ATP11B: variants seen among roughly 807,000 people sequenced by gnomAD.
ATP11B encodes the protein phospholipid-transporting ATPase IF.
ATP11B carries 81 observed loss-of-function variants against 157.8 expected under a neutral mutation model. The observed-to-expected ratio is 0.51, with a 90% CI of 0.43 to 0.62. The LOEUF is 0.62. Ranked by LOEUF, ATP11B falls within the 20% of genes least tolerant of loss-of-function variation. ATP11B has a pLI of 0.00. For synonymous variants in ATP11B, 451 were observed against 469.4 expected (o/e 0.96, Z 0.51); for missense variants, 1,165 against 1,402.2 (o/e 0.83, Z 2.70).
chr3:182,862,105 T>C (rs1720886972), intron 12 of ATP11B, among the ~76,000 whole-genome samples: 1 of 151,206 alleles, frequency 6.6e-6, no homozygotes, highest in Non-Finnish European at 1.5e-5. Flanking sequence ...AAACAAAAAA[T>C]ACAAATACTA....
In ATP11B at chr3:182,885,892, T is replaced by G. The variant is rs1722765733; in HGVS notation, c.2656-59T>G. On this transcript the variant is annotated intron_variant, in intron 22 of 29. Coordinates refer to ENST00000323116, the MANE Select transcript of ATP11B (RefSeq NM_014616.3). ...CTTTAACAGCCATTTTTTTTATTTT[T>G]TATTTTGTCTTTGAAACCTAAATAT... 3.3e-6 allele frequency: 4 copies of G among 1,229,340 alleles called. No individual in the cohort carries two copies. The South Asian group carries it at 6.4e-5, about 20-fold the overall frequency. The allele number at this position is 1,229,340 out of a possible 1,614,324, so 76.2% of individuals were successfully genotyped here. A position where few individuals can be genotyped will look rare whatever the true frequency, so the allele number is the denominator to read the frequency against.
chr3:182,844,997 T>A lies in ATP11B; in HGVS notation c.705-461T>A, dbSNP rs577782776. Among the ~76,000 whole-genome samples the A allele has an allele frequency of 6.6e-5, 8 of 120,412 alleles. No individual in the cohort carries two copies. The South Asian group carries it at 7.9e-4, about 12-fold the overall frequency. 79.0% of individuals were successfully genotyped at this position (120,412 alleles called of 152,430 possible). A position where few individuals can be genotyped will look rare whatever the true frequency, so the allele number is the denominator to read the frequency against. On this transcript the variant is annotated intron_variant, in intron 8 of 29. Transcript: ENST00000323116. ...CCTAGGCAGCCTTTTTTTTTTTATT[T>A]TTTTTTTTATTTTTTTTTATTTTTG...
At chr3:182,814,592 G>A (rs1324286582) in intron 1 of ATP11B, among the ~76,000 whole-genome samples, 1 of 152,086 alleles carries the variant, frequency 6.6e-6, no homozygotes, top group African/African-American at 2.4e-5. Flanking sequence ...AGGATTGCTT[G>A]AGCCCAGGAG....
At chr3:182,841,435 GTAAACATTGTA>G (rs758390461) in intron 7 of ATP11B, among the ~76,000 whole-genome samples, 2 of 152,140 alleles carry the variant, frequency 1.3e-5, no homozygotes, top group African/African-American at 2.4e-5. Context: ...AGTTGATAGA[GTAAACATTGTA>G]TACCCTTTGA....
chr3:182,857,796 C>A (rs1300394282), intron 10 of ATP11B, 82 bp from the exon 11 acceptor site: 8 of 849,120 alleles, frequency 9.4e-6, no homozygotes, highest in Non-Finnish European at 1.5e-5. Context: ...AATATCTTCT[C>A]TAATACAAGT....
In ATP11B at chr3:182,913,879, G is replaced by A; in HGVS notation, c.3337G>A (p.Gly1113Ser). The change falls in exon 29 of 30, where the codon GGT becomes AGT. Residue 1113 changes from glycine (G) to serine (S), a missense_variant. This residue lies in a region of ATP11B where 303 missense variants were observed against 296.3 expected (regional missense o/e 1.02). Transcript: ENST00000323116. ...CCCGCAGCTTACTGAAACAAATGCA[G>A]GTATCAAGTGCTTGGACTCCATGTG... ...EKAQLTETNA[G>S]IKCLDSMCCF... The A allele has an allele frequency of 6.2e-7, 1 of 1,614,128 alleles. No individual in the cohort carries two copies. The highest frequency in any genetic ancestry group is 8.5e-7 in the Non-Finnish European group (1 of 1,179,962).
chr3:182,872,816 C>G (rs1721763614), intron 18 of ATP11B, among the ~76,000 whole-genome samples: 1 of 152,204 alleles, frequency 6.6e-6, no homozygotes, highest in Non-Finnish European at 1.5e-5. Flanking sequence ...ACTTGAAGCA[C>G]CTGCTTAATT....
At chr3:182,886,277 A>G (rs1173077980) in intron 23 of ATP11B, among the ~76,000 whole-genome samples, 4 of 152,128 alleles carry the variant, frequency 2.6e-5, no homozygotes, top group African/African-American at 9.7e-5. Context: ...AGCTTATGAG[A>G]GAATTTTGAT....
intron 7 of ATP11B, among the ~76,000 whole-genome samples, chr3:182,841,295 T>C (rs1238611673): frequency 6.6e-6 from 1 of 152,232 alleles, no homozygotes; most frequent in Non-Finnish European, 1.5e-5. Context: ...ATTATGTTCA[T>C]TGCTTACCAT....
chr3:182,915,471 A>G (rs1725075852), intron 29 of ATP11B: 20 of 984,720 alleles, frequency 2.0e-5, no homozygotes, highest in Non-Finnish European at 2.2e-5. Flanking sequence ...TTGATTTATA[A>G]TACTATTTTA....
At chr3:182,820,424 C>T (rs1717256465) in intron 2 of ATP11B, 48 bp downstream of exon 2, 2 of 1,278,082 alleles carry the variant, frequency 1.6e-6, no homozygotes, top group South Asian at 1.2e-5. Flanking sequence ...TGGCTCATAC[C>T]CATCATCCCA....
chr3:182,804,474 C>G (rs1343907162), intron 1 of ATP11B, among the ~76,000 whole-genome samples: 1 of 152,074 alleles, frequency 6.6e-6, no homozygotes, highest in Non-Finnish European at 1.5e-5. Context: ...GCCTCGTGAT[C>G]CGCTCGCCTT....
intron 28 of ATP11B, among the ~76,000 whole-genome samples, chr3:182,903,826 C>T (rs1577106267): frequency 6.6e-6 from 1 of 152,186 alleles, no homozygotes; most frequent in Non-Finnish European, 1.5e-5. Flanking sequence ...TAAAAGCACA[C>T]TCTGGCCAAC....
intron 2 of ATP11B, among the ~76,000 whole-genome samples, chr3:182,821,509 CTCTTATATATTCT>C (rs1458631820): frequency 1.3e-5 from 2 of 152,140 alleles, no homozygotes; most frequent in African/African-American, 4.8e-5. Flanking sequence ...TACAGCTTCA[CTCTTATATATTCT>C]TCCTTGTTTC....
At chr3:182,850,768 A>G (rs1009161166) in intron 10 of ATP11B, among the ~76,000 whole-genome samples, 3 of 152,344 alleles carry the variant, frequency 2.0e-5, no homozygotes, top group Admixed American at 1.3e-4. Flanking sequence ...AGTATATCAA[A>G]GGAATATCTG....
intron 1 of ATP11B, among the ~76,000 whole-genome samples, chr3:182,796,425 C>T (rs1197351498): frequency 6.6e-6 from 1 of 152,154 alleles, no homozygotes; most frequent in Non-Finnish European, 1.5e-5. Flanking sequence ...GTACGGTAGC[C>T]ATTAGCCACA....
intron 1 of ATP11B, 58 bp from the exon 2 acceptor site, chr3:182,820,202 G>C: frequency 8.9e-7 from 1 of 1,117,324 alleles, no homozygotes; most frequent in Non-Finnish European, 1.4e-6. Flanking sequence ...TAACAGTAAA[G>C]TATCATAACT....
rs559009552 is a variant in ATP11B, at chr3:182,907,707, C to T, written c.3319-6154C>T. Among the ~76,000 whole-genome samples the T allele has an allele frequency of 2.6e-5, 4 of 152,216 alleles. No homozygotes were observed. In the South Asian group the frequency reaches 6.2e-4, roughly 24 times the overall value. ...GCTGCTGCCTAGGATTTATGTTATG[C>T]CTTGGATAGTCTACAAAGCAGATAA... is the stretch of plus-strand genomic sequence containing the variant. On this transcript the variant is annotated intron_variant, in intron 28 of 29. Transcript: ENST00000323116.
intron 9 of ATP11B, 69 bp from the exon 10 acceptor site, chr3:182,848,407 A>G (rs1023987647): frequency 2.2e-6 from 2 of 921,390 alleles, no homozygotes; most frequent in Non-Finnish European, 3.1e-6. Flanking sequence ...TCATGCTGGT[A>G]AATATATTTA....
Sources: gnomAD v4.1 joint callset for allele counts (sites outside exome capture counted in the v4.1 genomes callset) on GRCh38, gnomAD v4.1.1 for gene constraint, gnomAD v4.1.1 regional missense constraint, MANE v1.5 for transcripts, NCBI Gene and HGNC (gene_info 2026-07-23, HGNC 2026-07-21) for gene names.